KCTD10: variants seen among roughly 807,000 people sequenced by gnomAD.
KCTD10 encodes potassium channel tetramerization domain containing 10, also known as BTB/POZ domain-containing adapter for CUL3-mediated RhoA degradation protein 3.
KCTD10 carries 13 observed loss-of-function variants against 34.6 expected under a neutral mutation model. The observed-to-expected ratio is 0.38, with a 90% CI of 0.24 to 0.60. The LOEUF is 0.60. KCTD10 is among the 20% of genes least tolerant of loss of function. The pLI, the probability that KCTD10 is intolerant of heterozygous loss-of-function variation, is 0.66. For missense variants in KCTD10, 256 were observed against 420.3 expected, an observed-to-expected ratio of 0.61 and a Z score of 3.42; for synonymous variants, 156 against 168.8, an observed-to-expected ratio of 0.92 and a Z score of 0.59.
rs557527430 is a variant in KCTD10, at chr12:109,450,322, T to G, written c.*1273A>C. 1 of 394,900 alleles carries G rather than the reference T, an allele frequency of 2.5e-6. No homozygotes were observed. Among genetic ancestry groups the G allele is most frequent in the East Asian group, 3.6e-5 (1 of 28,000 alleles). The allele number at this position is 394,900 out of a possible 1,614,324, so 24.5% of individuals were successfully genotyped here. On this transcript the variant is annotated 3_prime_UTR_variant, in exon 7 of 7. Transcript: ENST00000228495. ...GGTCACTGAGAACACCCGTCCTACA[T>G]AGGCGCTGCGCCCAGCCGGGCTCCA...
At chr12:109,469,133 G>A (rs1000947110) in intron 2 of KCTD10, 37 of 245,214 alleles carry the variant, frequency 1.5e-4, no homozygotes, top group African/African-American at 7.6e-4. Flanking sequence ...GGAAGAAAAT[G>A]AGACCAAAAG....
At chr12:109,465,390 T>C (rs16940250) in intron 2 of KCTD10, among the ~76,000 whole-genome samples, 1,853 of 152,298 alleles carry the variant, frequency 0.012, 29 homozygotes, top group African/African-American at 0.037. Flanking sequence ...TGCACAGCTA[T>C]AGTAAGAGTA....
intron 1 of KCTD10, among the ~76,000 whole-genome samples, chr12:109,476,846 T>C (rs918223553): frequency 4.7e-4 from 72 of 152,128 alleles, no homozygotes; most frequent in African/African-American, 1.4e-3. Context: ...ACCTGCCCAT[T>C]CATTCTCCTT....
Position 109,450,172 on chromosome 12 carries a change from CCCAT to C in KCTD10, c.*1419_*1422del, listed in dbSNP as rs1872695977. 2.5e-6 allele frequency: 1 copy of C among 398,446 alleles called. No individual in the cohort carries two copies. 24.7% of individuals were successfully genotyped at this position (398,446 alleles called of 1,614,324 possible). ...AAACGGTAACGATTCCCTTGACAAA[CCCAT>C]CCATCACCTGACGCACATTCACATC... On this transcript the variant is annotated 3_prime_UTR_variant, in exon 7 of 7. Coordinates refer to ENST00000228495, the MANE Select transcript of KCTD10 (RefSeq NM_031954.5).
intron 1 of KCTD10, chr12:109,471,323 C>G: frequency 1.0e-6 from 1 of 985,476 alleles, no homozygotes; most frequent in Non-Finnish European, 1.2e-6. Flanking sequence ...GGCCAACTCT[C>G]CCCAACTCCA....
At chr12:109,457,711 A>C in intron 4 of KCTD10, 29 bp from the exon 5 acceptor site, 1 of 1,612,400 alleles carries the variant, frequency 6.2e-7, no homozygotes, top group Non-Finnish European at 8.5e-7. Context: ...GAAGAAGAAG[A>C]GAGTTACTTG....
intron 2 of KCTD10, chr12:109,464,756 A>G (rs1303883924): frequency 4.5e-6 from 2 of 445,256 alleles, no homozygotes; most frequent in Admixed American, 2.5e-5. Context: ...AATACTGAAT[A>G]AAACAAGGTA....
Position 109,449,689 on chromosome 12 carries a change from ACACTC to A in KCTD10, c.*1901_*1905del, listed in dbSNP as rs1281338759. On this transcript the variant is annotated 3_prime_UTR_variant, in exon 7 of 7. Coordinates refer to ENST00000228495, the MANE Select transcript of KCTD10 (RefSeq NM_031954.5). ...TGTGGTAAGTGGAGATGGTGCCACT[ACACTC>A]CAGCCTGGCCAATAGAGCAAGACTC... 1 of 152,060 alleles carries A rather than the reference ACACTC, an allele frequency of 6.6e-6. No homozygotes were observed. Among genetic ancestry groups the A allele is most frequent in the East Asian group, 1.9e-4 (1 of 5,192 alleles). 9.4% of individuals were successfully genotyped at this position (152,060 alleles called of 1,614,324 possible).
Position 109,460,646 on chromosome 12 carries a change from G to A in KCTD10, c.377C>T (p.Ala126Val), listed in dbSNP as rs772814750. 25 of 1,613,646 alleles carry A rather than the reference G, an allele frequency of 1.5e-5. No individual in the cohort carries two copies. Among genetic ancestry groups the A allele is most frequent in the Non-Finnish European group, 2.0e-5 (24 of 1,179,822 alleles). The change falls in exon 3 of 7, where the codon GCG becomes GTG. Residue 126 changes from alanine to valine, a missense_variant. By Grantham distance (64) the Ala-to-Val change is moderately conservative. Coordinates refer to ENST00000228495, the MANE Select transcript of KCTD10 (RefSeq NM_031954.5). The surrounding 1 kb of genome is among the most constrained non-coding windows in gnomAD (Gnocchi z 4.5). Reference protein sequence around the residue: ...LVQGLVEECQAALQNKDTYEP... With the variant: ...LVQGLVEECQVALQNKDTYEP... ...AAGGGTGATGCCTACTTGTAGGGCC[G>A]CCTGGCACTCTTCCACCAGGCCTTG... is the stretch of plus-strand genomic sequence containing the variant.
At chr12:109,466,942 C>G (rs966729893) in intron 2 of KCTD10, among the ~76,000 whole-genome samples, 1 of 152,244 alleles carries the variant, frequency 6.6e-6, no homozygotes, top group Admixed American at 6.5e-5. Flanking sequence ...TTTGAGGCAA[C>G]ATGCAGGCCA....
rs761287595 is a variant in KCTD10, at chr12:109,471,886, A to G, written c.4-2158T>C. Among the ~76,000 whole-genome samples, 10 of 152,334 alleles carry G rather than the reference A, an allele frequency of 6.6e-5. 1 individual carries two copies. Among genetic ancestry groups the G allele is most frequent in the Admixed American group, 2.6e-4 (4 of 15,302 alleles). ...TCATGAAACAGACAAAAAAGTACAT[A>G]AAGTATACTTCATGTAAAGTCAAAG... On this transcript the variant is annotated intron_variant, in intron 1 of 6. Coordinates refer to ENST00000228495, the MANE Select transcript of KCTD10 (RefSeq NM_031954.5).
chr12:109,459,087 A>T (rs774253064), intron 3 of KCTD10: 5 of 152,400 alleles, frequency 3.3e-5, no homozygotes, highest in African/African-American at 4.8e-5. Context: ...GAAAACAAAC[A>T]GAATCATCAG....
At chr12:109,455,772 G>A (rs536800125) in intron 6 of KCTD10, among the ~76,000 whole-genome samples, 7 of 152,346 alleles carry the variant, frequency 4.6e-5, no homozygotes, top group African/African-American at 1.7e-4. Context: ...ACTATGCAGA[G>A]CAATCCAGCT....
In KCTD10 at chr12:109,450,308, A is replaced by G. The variant is rs931818650; in HGVS notation, c.*1287T>C. ...GAGCCTGGGAGGTAGGTCACTGAGA[A>G]CACCCGTCCTACATAGGCGCTGCGC... On this transcript the variant is annotated 3_prime_UTR_variant, in exon 7 of 7. Coordinates refer to ENST00000228495, the MANE Select transcript of KCTD10 (RefSeq NM_031954.5). 7 of 398,328 alleles carry G rather than the reference A, an allele frequency of 1.8e-5. No homozygotes were observed. The highest frequency in any genetic ancestry group is 1.3e-4 in the South Asian group (1 of 7,858). The allele number at this position is 398,328 out of a possible 1,614,324, so 24.7% of individuals were successfully genotyped here.
chr12:109,475,946 T>C (rs1034165569), intron 1 of KCTD10, among the ~76,000 whole-genome samples: 2 of 152,240 alleles, frequency 1.3e-5, no homozygotes, highest in African/African-American at 2.4e-5. Flanking sequence ...TCTATTTCTC[T>C]CAATGTTCTA....
chr12:109,458,112 G>A (rs969334085), intron 3 of KCTD10, 34 bp from the exon 4 acceptor site: 3 of 1,561,154 alleles, frequency 1.9e-6, no homozygotes, highest in South Asian at 2.2e-5. Context: ...AGCCTAGGAG[G>A]CCTGCCTAGC....
intron 2 of KCTD10, among the ~76,000 whole-genome samples, chr12:109,463,731 A>G (rs926624012): frequency 6.6e-6 from 1 of 152,226 alleles, no homozygotes; most frequent in African/African-American, 2.4e-5. Context: ...GCTGGATGAC[A>G]TTGGTGCTTC....
At chr12:109,454,207 A>C (rs1396641148) in intron 6 of KCTD10, among the ~76,000 whole-genome samples, 1 of 152,228 alleles carries the variant, frequency 6.6e-6, no homozygotes, top group Non-Finnish European at 1.5e-5. Context: ...AAGGTGACAC[A>C]AGGTTTTGGA....
rs1873784837 is a variant in KCTD10, at chr12:109,469,660, G to T, written c.72C>A (p.Phe24Leu). The change falls in exon 2 of 7, where the codon TTC (phenylalanine) becomes TTA (leucine). Residue 24 changes from phenylalanine (F) to leucine (L), a missense_variant. Phe to Leu is a conservative substitution (Grantham distance 22, BLOSUM62 0). Transcript: ENST00000228495. ...ATTTGGAGCTGGGGCTCGTGCCCTT[G>T]AAGGAAGTGGTGCGGGTAGCAGCCG... ...VPAAATRTTS[F>L]KGTSPSSKYV... 6.2e-7 allele frequency: 1 copy of T among 1,614,246 alleles called. No homozygotes were observed. The highest frequency in any genetic ancestry group is 1.3e-5 in the African/African-American group (1 of 75,058).
Sources: gnomAD v4.1 joint callset for allele counts (sites outside exome capture counted in the v4.1 genomes callset) on GRCh38, gnomAD v4.1.1 for gene constraint, Gnocchi (gnomAD v3.1) non-coding constraint, MANE v1.5 for transcripts, NCBI Gene and HGNC (gene_info 2026-07-23, HGNC 2026-07-21) for gene names.